The following UBE3D variants were observed in gnomAD, a reference collection of about 807,000 sequenced individuals.
UBE3D encodes the protein E3 ubiquitin-protein ligase E3D.
Under a neutral mutation model 49.6 loss-of-function variants are expected in UBE3D, and 48 were observed. The ratio of observed to expected loss-of-function variants is 0.97; its 90% CI spans 0.77 to 1.23. The LOEUF (loss-of-function observed/expected upper bound fraction) is 1.23. UBE3D is among the 50% of genes most tolerant of loss of function. The probability of loss-of-function intolerance (pLI) is 0.00; values close to 1 mark genes in which losing one functional copy is unlikely to be tolerated. For synonymous variants in UBE3D, 189 were observed against 174.2 expected, an observed-to-expected ratio of 1.08 and a Z score of -0.67; for missense variants, 452 against 468.4, an observed-to-expected ratio of 0.96 and a Z score of 0.32.
chr6:82,882,939 G>A, the UBE3D span, among the ~76,000 whole-genome samples: 1 of 152,094 alleles, frequency 6.6e-6, no homozygotes, highest in Non-Finnish European at 1.5e-5. Context: ...CTACTAACTA[G>A]ACAATAAATT....
chr6:82,990,426 C>A (rs924071358), intron 8 of UBE3D, among the ~76,000 whole-genome samples: 1 of 152,026 alleles, frequency 6.6e-6, no homozygotes, highest in Middle Eastern at 3.4e-3. Flanking sequence ...TGCAGGTATG[C>A]ACCAGCACAC....
intron 9 of UBE3D, among the ~76,000 whole-genome samples, chr6:82,924,562 T>A (rs952338957): frequency 6.6e-6 from 1 of 152,228 alleles, no homozygotes; most frequent in African/African-American, 2.4e-5. Context: ...ATTAGGTAAT[T>A]TGTAAATTAA....
At chr6:83,008,206 C>T (rs1207764229) in intron 8 of UBE3D, among the ~76,000 whole-genome samples, 1 of 152,034 alleles carries the variant, frequency 6.6e-6, no homozygotes, top group African/African-American at 2.4e-5. Flanking sequence ...CAGTAGTTCC[C>T]CAAGTTGTGA....
intron 9 of UBE3D, among the ~76,000 whole-genome samples, chr6:82,934,674 A>G (rs1206876972): frequency 6.6e-6 from 1 of 151,964 alleles, no homozygotes; most frequent in Non-Finnish European, 1.5e-5. Context: ...CAAAATTAAC[A>G]AGTAGAAGAA....
intron 9 of UBE3D, among the ~76,000 whole-genome samples, chr6:82,949,108 AT>A (rs1469459387): frequency 6.6e-6 from 1 of 152,122 alleles, no homozygotes; most frequent in African/African-American, 2.4e-5. Flanking sequence ...ATGATCTTAT[AT>A]TTAGAAAAAC....
chr6:82,911,440 A>G (rs1215260997), intron 9 of UBE3D, among the ~76,000 whole-genome samples: 1 of 152,152 alleles, frequency 6.6e-6, no homozygotes, highest in Admixed American at 6.6e-5. Flanking sequence ...AACATTTGAG[A>G]CAATAACTGG....
At chr6:82,960,692 G>C (rs777680893) in intron 8 of UBE3D, among the ~76,000 whole-genome samples, 23 of 151,882 alleles carry the variant, frequency 1.5e-4, no homozygotes, top group Non-Finnish European at 2.6e-4. Flanking sequence ...ATTCTTTCTA[G>C]ATCAGACATG....
At chr6:82,942,598 G>T (rs1340399085) in intron 9 of UBE3D, among the ~76,000 whole-genome samples, 1 of 152,214 alleles carries the variant, frequency 6.6e-6, no homozygotes, top group South Asian at 2.1e-4. Flanking sequence ...TCCAGCCATG[G>T]CTAAAAGGGG....
chr6:83,011,178 C>T (rs1780311887), intron 8 of UBE3D, among the ~76,000 whole-genome samples: 1 of 152,126 alleles, frequency 6.6e-6, no homozygotes, highest in South Asian at 2.1e-4. Context: ...CTTTATCTCA[C>T]ATGATAAAGG....
intron 8 of UBE3D, among the ~76,000 whole-genome samples, chr6:82,995,910 T>C (rs1217755024): frequency 6.6e-6 from 1 of 151,908 alleles, no homozygotes; most frequent in Non-Finnish European, 1.5e-5. Context: ...CTACTAAAAA[T>C]ACAAAAATTA....
intron 6 of UBE3D, among the ~76,000 whole-genome samples, chr6:83,023,077 C>T (rs758434575): frequency 6.6e-5 from 10 of 152,062 alleles, no homozygotes; most frequent in Non-Finnish European, 1.3e-4. Flanking sequence ...AACAAATAAA[C>T]TGGAATAAAG....
chr6:82,952,946 A>C (rs1390156284), intron 9 of UBE3D, among the ~76,000 whole-genome samples: 1 of 152,190 alleles, frequency 6.6e-6, no homozygotes, highest in African/African-American at 2.4e-5. Flanking sequence ...TTGCCATTAA[A>C]ACCAGCAGCT....
intron 9 of UBE3D, among the ~76,000 whole-genome samples, chr6:82,945,924 G>A (rs1278469604): frequency 6.6e-6 from 1 of 152,104 alleles, no homozygotes; most frequent in Admixed American, 6.5e-5. Flanking sequence ...TTAAGCAGAA[G>A]AATTAGTGGG....
intron 8 of UBE3D, 112 bp from the exon 9 acceptor site, chr6:82,957,562 C>G: frequency 8.1e-7 from 1 of 1,235,872 alleles, no homozygotes; most frequent in Non-Finnish European, 1.1e-6. Context: ...AGTACAAAAA[C>G]TAGAAATAAA....
At chr6:82,909,520 T>C (rs892310480) in intron 9 of UBE3D, among the ~76,000 whole-genome samples, 3 of 152,334 alleles carry the variant, frequency 2.0e-5, no homozygotes, top group Middle Eastern at 3.4e-3. Context: ...TTCAATATTC[T>C]GGCCCTCTCC....
intron 9 of UBE3D, among the ~76,000 whole-genome samples, chr6:82,929,743 CTG>C (rs1479131143): frequency 6.6e-6 from 1 of 151,980 alleles, no homozygotes; most frequent in Non-Finnish European, 1.5e-5. Context: ...AAGAAATAGA[CTG>C]TTTTTTTAAA....
At chr6:82,926,331 G>A (rs966221602) in intron 9 of UBE3D, among the ~76,000 whole-genome samples, 8 of 151,970 alleles carry the variant, frequency 5.3e-5, no homozygotes, top group African/African-American at 1.7e-4. Flanking sequence ...ATATTCCATT[G>A]TCTGTATGTA....
the UBE3D span, among the ~76,000 whole-genome samples, chr6:82,882,565 C>T: frequency 6.6e-6 from 1 of 152,148 alleles, no homozygotes; most frequent in Non-Finnish European, 1.5e-5. Flanking sequence ...AAATGCTACT[C>T]TGCACAGAGC....
chr6:83,009,791 T>C (rs1780219087), intron 8 of UBE3D, among the ~76,000 whole-genome samples: 1 of 148,342 alleles, frequency 6.7e-6, no homozygotes, highest in Admixed American at 7.0e-5. Flanking sequence ...AGATTGACTA[T>C]AGTACAAGGT....
Sources: allele counts gnomAD v4.1 joint callset (sites outside exome capture counted in the v4.1 genomes callset), GRCh38; gene constraint gnomAD v4.1.1; transcripts MANE v1.5; gene names NCBI Gene and HGNC (gene_info 2026-07-23, HGNC 2026-07-21).